The following OPCML variants were observed in gnomAD, a reference collection of about 807,000 sequenced individuals.
OPCML encodes opioid-binding protein/cell adhesion molecule.
Under a neutral mutation model 37.8 loss-of-function variants are expected in OPCML, and 13 were observed. The observed-to-expected ratio is 0.34, with a 90% CI of 0.22 to 0.55. The LOEUF (loss-of-function observed/expected upper bound fraction) is 0.55, where lower values mean the gene tolerates loss of function less well. Among genes scored for constraint, OPCML ranks in the 20% least tolerant of loss-of-function variants. The pLI, the probability that OPCML is intolerant of heterozygous loss-of-function variation, is 0.91. For synonymous variants in OPCML, 176 were observed against 168.8 expected (o/e 1.04, Z -0.33); for missense variants, 341 against 435.6 (o/e 0.78, Z 1.93).
rs118150836 is a variant in OPCML at position 133,335,575 on chromosome 11, T to G, written c.61+196689A>C. On this transcript the variant is annotated intron_variant, in intron 1 of 7. Coordinates refer to ENST00000524381, the MANE Select transcript of OPCML (RefSeq NM_001012393.5). ...AAAGCATCCTCAGCCTCCCTAAAAT[T>G]GTTTTCAATGATGGCCTCTGGACTA... is the stretch of plus-strand genomic sequence containing the variant. 5.7e-3 allele frequency among the ~76,000 whole-genome samples: 866 copies of G among 152,166 alleles called. 2 individuals carry two copies. The highest frequency in any genetic ancestry group is 0.01 in the Admixed American group (156 of 15,284).
intron 4 of OPCML, among the ~76,000 whole-genome samples, chr11:132,478,220 T>A (rs947473947): frequency 2.6e-5 from 4 of 152,242 alleles, no homozygotes; most frequent in South Asian, 2.1e-4. Context: ...AAGTTTAAAC[T>A]GTGTTCTTCC....
intron 2 of OPCML, among the ~76,000 whole-genome samples, chr11:132,770,015 G>A (rs1946585837): frequency 6.6e-6 from 1 of 152,128 alleles, no homozygotes; most frequent in Non-Finnish European, 1.5e-5. Flanking sequence ...TCTGGGGAAG[G>A]TAAGGAAATG....
intron 2 of OPCML, among the ~76,000 whole-genome samples, chr11:132,819,204 T>C (rs534131556): frequency 6.6e-6 from 1 of 152,020 alleles, no homozygotes; most frequent in Non-Finnish European, 1.5e-5. Context: ...TTCCTTTATA[T>C]GCAATGTCTG....
At chr11:132,833,820 C>G (rs1018742652) in intron 2 of OPCML, among the ~76,000 whole-genome samples, 4 of 152,120 alleles carry the variant, frequency 2.6e-5, no homozygotes, top group Admixed American at 2.0e-4. Flanking sequence ...AACATCGTTA[C>G]GCAGCACTGT....
At chr11:133,507,744 A>G (rs1012216420) in intron 1 of OPCML, among the ~76,000 whole-genome samples, 2 of 152,118 alleles carry the variant, frequency 1.3e-5, no homozygotes, top group African/African-American at 2.4e-5. Flanking sequence ...CAGGAGTGCA[A>G]TACCAGCCTG....
At chr11:133,446,086 T>G (rs1261224434) in intron 1 of OPCML, among the ~76,000 whole-genome samples, 2 of 152,226 alleles carry the variant, frequency 1.3e-5, no homozygotes, top group Non-Finnish European at 2.9e-5. Context: ...ATTCTGCTAA[T>G]AAGATTCTCA....
intron 1 of OPCML, among the ~76,000 whole-genome samples, chr11:133,315,570 G>A (rs1469658639): frequency 5.3e-5 from 8 of 152,218 alleles, no homozygotes; most frequent in East Asian, 1.9e-4. Context: ...AGGCCAAAGC[G>A]GGTGGATTAC....
chr11:132,777,417 G>A (rs1037016179), intron 2 of OPCML, among the ~76,000 whole-genome samples: 6 of 152,166 alleles, frequency 3.9e-5, no homozygotes, highest in Admixed American at 2.6e-4. Flanking sequence ...GTGAAATAAA[G>A]CCAGCAGGTC....
chr11:132,852,010 T>C (rs1396384405), intron 2 of OPCML, among the ~76,000 whole-genome samples: 1 of 152,208 alleles, frequency 6.6e-6, no homozygotes, highest in Non-Finnish European at 1.5e-5. Flanking sequence ...TTCCCTTTTC[T>C]TCCTGGAAGC....
At chr11:132,929,538 A>T (rs1945122585) in intron 2 of OPCML, among the ~76,000 whole-genome samples, 1 of 152,176 alleles carries the variant, frequency 6.6e-6, no homozygotes, top group South Asian at 2.1e-4. Context: ...AACACTTCCA[A>T]ACTCACTCTA....
chr11:132,652,383 CACAGAG>C lies in OPCML; in HGVS notation c.379+4698_379+4703del, dbSNP rs1480190303. Among the ~76,000 whole-genome samples, 760 of 150,290 alleles carry C rather than the reference CACAGAG, an allele frequency of 5.1e-3. 10 individuals are homozygous for C. The highest frequency in any genetic ancestry group is 0.017 in the African/African-American group (699 of 40,516). On this transcript the variant is annotated intron_variant, in intron 3 of 7. Coordinates refer to ENST00000524381, the MANE Select transcript of OPCML (RefSeq NM_001012393.5). ...ACACACACACACACACACACACACA[CACAGAG>C]AGAGAAATCCTGAAAATGTTCCATT... is the stretch of plus-strand genomic sequence containing the variant.
chr11:132,698,484 G>A (rs779244167), intron 2 of OPCML, among the ~76,000 whole-genome samples: 20 of 151,898 alleles, frequency 1.3e-4, no homozygotes, highest in Non-Finnish European at 2.9e-4. Context: ...TTTTTAATAA[G>A]GTTTTATTTT....
chr11:133,458,576 T>C (rs1337029549), intron 1 of OPCML, among the ~76,000 whole-genome samples: 1 of 118,282 alleles, frequency 8.5e-6, no homozygotes, highest in Non-Finnish European at 1.5e-5. Context: ...TATATACACG[T>C]GTGTGTACAC....
chr11:132,943,125 A>C lies in OPCML; in HGVS notation c.62-115T>G, dbSNP rs760769488. On this transcript the variant is annotated intron_variant, in intron 1 of 7. Transcript: ENST00000524381. This position sits in a 1 kb window ranked among gnomAD's most constrained non-coding sequence, Gnocchi z 4.3. ...AGCCACAACTTCCCAGGACTCCGGC[A>C]GCCGCACAGTCCTGGTCCCCCGCCC... 3.1e-6 allele frequency: 5 copies of C among 1,613,888 alleles called. No individual in the cohort carries two copies. The highest frequency in any genetic ancestry group is 4.2e-6 in the Non-Finnish European group (5 of 1,179,852).
At chr11:132,553,422 G>T (rs552842242) in intron 3 of OPCML, among the ~76,000 whole-genome samples, 2 of 152,286 alleles carry the variant, frequency 1.3e-5, no homozygotes, top group African/African-American at 4.8e-5. Context: ...AAGGGAGAGT[G>T]TGCTATAAGC....
chr11:132,848,170 T>C (rs943413450), intron 2 of OPCML, among the ~76,000 whole-genome samples: 1 of 152,214 alleles, frequency 6.6e-6, no homozygotes, highest in Non-Finnish European at 1.5e-5. Flanking sequence ...ACATGTGAGA[T>C]CACGTCTCTC....
At chr11:133,111,106 C>G (rs1949246202) in intron 1 of OPCML, among the ~76,000 whole-genome samples, 2 of 152,178 alleles carry the variant, frequency 1.3e-5, no homozygotes, top group African/African-American at 4.8e-5. Flanking sequence ...TATTCTCCTC[C>G]TCTAAGCCAG....
chr11:132,866,081 A>AG (rs1417871078), intron 2 of OPCML, among the ~76,000 whole-genome samples: 1 of 152,200 alleles, frequency 6.6e-6, no homozygotes, highest in African/African-American at 2.4e-5. Context: ...GAAAAAAAAA[A>AG]AAGTAGCTTA....
chr11:133,108,197 G>T (rs1949190659), intron 1 of OPCML, among the ~76,000 whole-genome samples: 1 of 152,190 alleles, frequency 6.6e-6, no homozygotes, highest in African/African-American at 2.4e-5. Flanking sequence ...TACGTTTGCT[G>T]ATCAGTGTCA....
Sources: allele counts gnomAD v4.1 joint callset (sites outside exome capture counted in the v4.1 genomes callset), GRCh38; gene constraint gnomAD v4.1.1; non-coding constraint Gnocchi (gnomAD v3.1); transcripts MANE v1.5; gene names NCBI Gene and HGNC (gene_info 2026-07-23, HGNC 2026-07-21).